Variants in POR observed in about 807,000 individuals in gnomAD.
POR encodes the protein cytochrome p450 oxidoreductase.
In POR, 56 loss-of-function variants were observed where a neutral mutation model predicts 84.0. The observed-to-expected ratio is 0.67, with a 90% CI of 0.54 to 0.83. The LOEUF (loss-of-function observed/expected upper bound fraction) is 0.83. POR is among the 40% of genes least tolerant of loss of function. The pLI is 0.00. For missense variants in POR, 938 were observed against 944.3 expected, an observed-to-expected ratio of 0.99 and a Z score of 0.09; for synonymous variants, 414 against 400.5, an observed-to-expected ratio of 1.03 and a Z score of -0.40.
Position 75,986,615 on chromosome 7 carries a change from C to T in POR, c.*134C>T. The T allele has an allele frequency of 1.7e-6, 2 of 1,163,536 alleles. No homozygotes were observed. The highest frequency in any genetic ancestry group is 2.4e-6 in the Non-Finnish European group (2 of 835,666). 72.1% of individuals were successfully genotyped at this position (1,163,536 alleles called of 1,614,324 possible). On this transcript the variant is annotated 3_prime_UTR_variant, in exon 16 of 16. Transcript: ENST00000461988. ...GCCCAGTGACAAAGACTCCTCTGGG[C>T]CTGGGGTGCATCCTCCTCAGCCCCC...
At chr7:75,979,618 T>C (rs753404118) in intron 4 of POR, 39 bp downstream of exon 4, 5 of 1,608,458 alleles carry the variant, frequency 3.1e-6, no homozygotes, top group African/African-American at 2.7e-5. Context: ...ATGGAGGCAG[T>C]GGGTAGGACA....
intron 1 of POR, among the ~76,000 whole-genome samples, chr7:75,928,546 G>C (rs1554549824): frequency 6.6e-6 from 1 of 152,108 alleles, no homozygotes; most frequent in East Asian, 1.9e-4. Context: ...TTCCCATCAG[G>C]ACGGCCCGGA....
chr7:75,937,600 G>C (rs900493788), intron 1 of POR, among the ~76,000 whole-genome samples: 2 of 151,124 alleles, frequency 1.3e-5, no homozygotes, highest in African/African-American at 4.9e-5. Context: ...TGGCCAGCAT[G>C]GCGAAACCCC....
chr7:75,919,003 G>GC (rs1806718618), intron 1 of POR, among the ~76,000 whole-genome samples: 1 of 142,174 alleles, frequency 7.0e-6, no homozygotes, highest in Admixed American at 7.0e-5. Flanking sequence ...AGTGTTGTGT[G>GC]TTTTTTTTTT....
At chr7:75,953,831 G>A (rs1298205425) in intron 1 of POR, among the ~76,000 whole-genome samples, 158 bp from the exon 2 acceptor site, 2 of 152,152 alleles carry the variant, frequency 1.3e-5, no homozygotes, top group African/African-American at 4.8e-5. Flanking sequence ...GGCTGTCTTG[G>A]CAGGAACCTG....
chr7:75,935,651 G>C (rs1273904428), intron 1 of POR, among the ~76,000 whole-genome samples: 1 of 151,164 alleles, frequency 6.6e-6, no homozygotes, highest in Non-Finnish European at 1.5e-5. Flanking sequence ...GTGTGTGTGT[G>C]TGTGTGTGTG....
At chr7:75,963,343 G>T (rs1281023555) in intron 2 of POR, among the ~76,000 whole-genome samples, 2 of 152,218 alleles carry the variant, frequency 1.3e-5, no homozygotes, top group Non-Finnish European at 2.9e-5. Flanking sequence ...ATGGGCCAGG[G>T]TGTTTCTGCC....
chr7:75,985,865 T>A lies in POR; in HGVS notation c.1669+16T>A. The stretch of plus-strand genomic sequence containing the variant: ...CGACAGCAGGGTGAGTGGGGTCCCA[T>A]GGGGGAGAGGGGGTGACGACTGGGA... On this transcript the variant is annotated intron_variant, in intron 13 of 15. Coordinates refer to ENST00000461988, the MANE Select transcript of POR (RefSeq NM_000941.3). 6.5e-7 allele frequency: 1 copy of A among 1,550,308 alleles called. No homozygotes were observed. Among genetic ancestry groups the A allele is most frequent in the Non-Finnish European group, 8.7e-7 (1 of 1,144,428 alleles).
chr7:75,956,375 A>G (rs1395384697), intron 2 of POR, among the ~76,000 whole-genome samples: 3 of 152,164 alleles, frequency 2.0e-5, no homozygotes, highest in African/African-American at 7.2e-5. Context: ...CTGAGGCCCT[A>G]CCTACAGTGT....
At chr7:75,952,036 G>A (rs540893375) in intron 1 of POR, among the ~76,000 whole-genome samples, 2 of 145,780 alleles carry the variant, frequency 1.4e-5, no homozygotes, top group South Asian at 2.2e-4. Flanking sequence ...CAGTAGGGGC[G>A]GCCGGGCAGA....
At chr7:75,949,101 G>A (rs1479141785) in intron 1 of POR, among the ~76,000 whole-genome samples, 1 of 152,150 alleles carries the variant, frequency 6.6e-6, no homozygotes, top group Non-Finnish European at 1.5e-5. Context: ...GGGCCGGATC[G>A]TATGGGCCTT....
intron 2 of POR, among the ~76,000 whole-genome samples, chr7:75,968,884 C>T (rs571367274): frequency 6.6e-6 from 1 of 152,326 alleles, no homozygotes; most frequent in East Asian, 1.9e-4. Context: ...CACATGGAAG[C>T]CCTCCTCCCC....
intron 3 of POR, among the ~76,000 whole-genome samples, chr7:75,974,925 C>T (rs1788607975): frequency 6.7e-6 from 1 of 149,194 alleles, no homozygotes; most frequent in South Asian, 2.1e-4. Context: ...AGATGAATCT[C>T]TTGTCTGTGA....
In POR at chr7:75,931,661, A is replaced by G. The variant is rs532632790; in HGVS notation, c.-5+16482A>G. ...TGGGATTACAGGTGTGAGCCTCCGC[A>G]CCTGGCCTGTTTTTCCTTTTAAAGC... is the stretch of plus-strand genomic sequence containing the variant. On this transcript the variant is annotated intron_variant, in intron 1 of 15. Transcript: ENST00000461988. Among the ~76,000 whole-genome samples the G allele has an allele frequency of 3.3e-5, 5 of 151,846 alleles. No homozygotes were observed. In the South Asian group the frequency reaches 1.0e-3, roughly 32 times the overall value.
At chr7:75,941,027 G>A (rs955702879) in intron 1 of POR, among the ~76,000 whole-genome samples, 12 of 152,072 alleles carry the variant, frequency 7.9e-5, no homozygotes, top group Admixed American at 6.6e-4. Context: ...AAATTAGCTC[G>A]GTGAGGTGGT....
rs149494205 is a variant in POR, at chr7:75,929,882, G to A, written c.-5+14703G>A. ...TGAATGGCACAGCCCACTACTAGCTGAATGTGGGGTGACAGTAGCCAGCAT... is the reference window on the plus strand; with the variant it reads ...TGAATGGCACAGCCCACTACTAGCTAAATGTGGGGTGACAGTAGCCAGCAT... On this transcript the variant is annotated intron_variant, in intron 1 of 15. Coordinates refer to ENST00000461988, the MANE Select transcript of POR (RefSeq NM_000941.3). Among the ~76,000 whole-genome samples the A allele has an allele frequency of 2.1e-3, 326 of 152,276 alleles. 2 individuals are homozygous for A. The highest frequency in any genetic ancestry group is 7.5e-3 in the African/African-American group (313 of 41,564).
At chr7:75,919,314 C>G (rs543412219) in intron 1 of POR, among the ~76,000 whole-genome samples, 16 of 152,038 alleles carry the variant, frequency 1.1e-4, no homozygotes, top group African/African-American at 3.9e-4. Flanking sequence ...CCTCCCCAAG[C>G]GAGATGTTTA....
At chr7:75,929,139 ATTAT>A (rs1807291044) in intron 1 of POR, among the ~76,000 whole-genome samples, 1 of 152,186 alleles carries the variant, frequency 6.6e-6, no homozygotes, top group Admixed American at 6.5e-5. Context: ...ATGGGATCTA[ATTAT>A]TACTGACTTG....
At chr7:75,979,978 C>T (rs560561476) in intron 4 of POR, among the ~76,000 whole-genome samples, 1 of 152,340 alleles carries the variant, frequency 6.6e-6, no homozygotes, top group Admixed American at 6.5e-5. Flanking sequence ...AGTTAGATAT[C>T]AGTGTGCACC....
Sources: gnomAD v4.1 joint callset for allele counts (sites outside exome capture counted in the v4.1 genomes callset) on GRCh38, gnomAD v4.1.1 for gene constraint, MANE v1.5 for transcripts, NCBI Gene and HGNC (gene_info 2026-07-23, HGNC 2026-07-21) for gene names.